FABP12: variants seen among roughly 807,000 people sequenced by gnomAD.
FABP12 encodes fatty acid-binding protein 12.
FABP12 carries 19 observed loss-of-function variants against 13.7 expected under a neutral mutation model. The observed-to-expected ratio is 1.39, with a 90% CI of 0.97 to 2.04. The LOEUF is 2.04. Among genes scored for constraint, FABP12 ranks in the 30% most tolerant of loss-of-function variants. The pLI is 0.00. For missense variants in FABP12, 182 were observed against 164.2 expected, an observed-to-expected ratio of 1.11 and a Z score of -0.59; for synonymous variants, 61 against 57.0, an observed-to-expected ratio of 1.07 and a Z score of -0.32.
intron 1 of FABP12, among the ~76,000 whole-genome samples, chr8:81,566,330 A>G (rs953600934): frequency 2.0e-5 from 3 of 152,100 alleles, no homozygotes; most frequent in African/African-American, 7.2e-5. Context: ...AGCCAGTATT[A>G]CCCCAATACC....
chr8:81,538,515 G>C (rs572368868), upstream of FABP12, among the ~76,000 whole-genome samples: 1 of 152,304 alleles, frequency 6.6e-6, no homozygotes, highest in South Asian at 2.1e-4. Context: ...AAAGGAGAGG[G>C]AGATTTAAGA....
intron 1 of FABP12, among the ~76,000 whole-genome samples, chr8:81,569,196 C>T (rs532196805): frequency 6.6e-6 from 1 of 152,126 alleles, no homozygotes; most frequent in Admixed American, 6.5e-5. Context: ...CATTGTACAC[C>T]TGAATCAAAA....
intron 3 of FABP12, 38 bp downstream of exon 3, chr8:81,529,400 C>T (rs751939420): frequency 1.9e-6 from 3 of 1,603,210 alleles, no homozygotes; most frequent in South Asian, 1.1e-5. Context: ...GACTAACATT[C>T]TTTTGAAATG....
rs192386115 is a variant in FABP12, at chr8:81,583,044, A to G, written c.-185+7009T>C. Among the ~76,000 whole-genome samples the G allele has an allele frequency of 2.2e-3, 335 of 152,276 alleles. 3 individuals are homozygous for G. Among genetic ancestry groups the G allele is most frequent in the African/African-American group, 7.7e-3 (322 of 41,574 alleles). ...TGGAATAAAACTAGAAATGCATAAA[A>G]AGAGAAACATTGAAACTATACACAT... On this transcript the variant is annotated intron_variant, in intron 1 of 5. Coordinates refer to the FABP12 transcript ENST00000692030.
chr8:81,535,737 G>A (rs1809205662), upstream of FABP12, among the ~76,000 whole-genome samples: 1 of 152,094 alleles, frequency 6.6e-6, no homozygotes, highest in African/African-American at 2.4e-5. Context: ...GGAAAATGGG[G>A]GACATTAACA....
intron 1 of FABP12, among the ~76,000 whole-genome samples, chr8:81,570,439 T>C (rs1809908673): frequency 6.6e-6 from 1 of 152,192 alleles, no homozygotes; most frequent in Non-Finnish European, 1.5e-5. Context: ...GGAGCTTTAC[T>C]GAGTAATAAA....
chr8:81,556,879 CTT>C (rs11338781), intron 1 of FABP12, among the ~76,000 whole-genome samples: 5,250 of 108,866 alleles, frequency 0.048, 58 homozygotes, highest in Middle Eastern at 0.086. Flanking sequence ...AAGTGTACAT[CTT>C]TTTTTTTTTT....
At chr8:81,531,046 G>A (rs974068179) in intron 2 of FABP12, among the ~76,000 whole-genome samples, 197 bp downstream of exon 2, 5 of 152,022 alleles carry the variant, frequency 3.3e-5, no homozygotes, top group African/African-American at 7.2e-5. Flanking sequence ...TAAATTAATG[G>A]TAACTTATAT....
chr8:81,562,346 C>T (rs1002372874), intron 1 of FABP12, among the ~76,000 whole-genome samples: 4 of 152,148 alleles, frequency 2.6e-5, no homozygotes, highest in African/African-American at 7.2e-5. Flanking sequence ...TCTTTTCCCA[C>T]CTTGGGTGGC....
At chr8:81,561,659 G>A (rs538233051) in intron 1 of FABP12, among the ~76,000 whole-genome samples, 192 of 152,292 alleles carry the variant, frequency 1.3e-3, no homozygotes, top group African/African-American at 4.4e-3. Context: ...CGGTGATTGT[G>A]GGACTTTGCA....
intron 1 of FABP12, among the ~76,000 whole-genome samples, chr8:81,556,517 A>G (rs974028966): frequency 2.6e-5 from 4 of 152,114 alleles, no homozygotes; most frequent in African/African-American, 9.6e-5. Flanking sequence ...TTGGGGAATA[A>G]TAATAATACA....
At chr8:81,528,096 T>C (rs1288381118) in intron 3 of FABP12, among the ~76,000 whole-genome samples, 2 of 152,178 alleles carry the variant, frequency 1.3e-5, no homozygotes, top group Non-Finnish European at 2.9e-5. Flanking sequence ...TTGTTGTTTT[T>C]GGAGATAGGG....
chr8:81,580,487 A>T lies in FABP12; in HGVS notation c.-185+9566T>A, dbSNP rs538675418. ...AATTAAAAAGGCCAGTGGTCTGCCC[A>T]AGTAACTACCTTATCATTTCTACAC... is the stretch of plus-strand genomic sequence containing the variant. On this transcript the variant is annotated intron_variant, in intron 1 of 5. Coordinates refer to the FABP12 transcript ENST00000692030. Among the ~76,000 whole-genome samples the T allele has an allele frequency of 1.7e-4, 25 of 149,750 alleles. 1 individual carries two copies. In the South Asian group the frequency reaches 5.2e-3, roughly 31 times the overall value.
intron 1 of FABP12, among the ~76,000 whole-genome samples, chr8:81,558,418 G>T (rs937229021): frequency 6.6e-6 from 1 of 152,108 alleles, no homozygotes; most frequent in Non-Finnish European, 1.5e-5. Context: ...GTCTGTACTC[G>T]CAGGAGCCCC....
intron 1 of FABP12, among the ~76,000 whole-genome samples, chr8:81,564,666 C>T (rs114306238): frequency 0.018 from 2,667 of 151,710 alleles, 60 homozygotes; most frequent in African/African-American, 0.058. Flanking sequence ...TTAATGGTAA[C>T]CTCAAATCAA....
intron 1 of FABP12, among the ~76,000 whole-genome samples, chr8:81,555,443 TTTTTC>T (rs779787762): frequency 6.6e-6 from 1 of 152,224 alleles, no homozygotes; most frequent in Non-Finnish European, 1.5e-5. Flanking sequence ...ATGGTTCCAA[TTTTTC>T]TTTTTGATTT....
At chr8:81,589,491 C>T (rs1810289448) in intron 1 of FABP12, among the ~76,000 whole-genome samples, 1 of 152,200 alleles carries the variant, frequency 6.6e-6, no homozygotes, top group South Asian at 2.1e-4. Context: ...AAATCACAAA[C>T]AGCGCTGACC....
chr8:81,573,057 TC>T (rs1809965263), intron 1 of FABP12, among the ~76,000 whole-genome samples: 1 of 152,136 alleles, frequency 6.6e-6, no homozygotes, highest in Non-Finnish European at 1.5e-5. Context: ...CCCAATATTA[TC>T]TTCTAGAATT....
At chr8:81,559,969 A>C (rs1809692892) in intron 1 of FABP12, among the ~76,000 whole-genome samples, 1 of 152,212 alleles carries the variant, frequency 6.6e-6, no homozygotes, top group Admixed American at 6.5e-5. Context: ...TATATGGGAA[A>C]ATAATATGTT....
Sources: allele counts gnomAD v4.1 joint callset (sites outside exome capture counted in the v4.1 genomes callset), GRCh38; gene constraint gnomAD v4.1.1; transcripts MANE v1.5; gene names NCBI Gene and HGNC (gene_info 2026-07-23, HGNC 2026-07-21).